Variants in DEPDC1B observed in about 807,000 individuals in gnomAD.
The protein encoded by DEPDC1B is DEP domain-containing protein 1B.
DEPDC1B carries 51 observed loss-of-function variants against 66.5 expected under a neutral mutation model. The observed-to-expected ratio is 0.77, with a 90% CI of 0.61 to 0.97. DEPDC1B has a LOEUF of 0.97. Among genes scored for constraint, DEPDC1B ranks in the 50% least tolerant of loss-of-function variants. The probability of loss-of-function intolerance (pLI) is 0.00; values close to 1 mark genes in which losing one functional copy is unlikely to be tolerated. For missense variants in DEPDC1B, 552 were observed against 637.1 expected, an observed-to-expected ratio of 0.87 and a Z score of 1.44; for synonymous variants, 226 against 223.6, an observed-to-expected ratio of 1.01 and a Z score of -0.10.
rs191478116 is a variant in DEPDC1B, at chr5:60,616,247, A to C, written c.899-10391T>G. Among the ~76,000 whole-genome samples, 935 of 152,340 alleles carry C rather than the reference A, an allele frequency of 6.1e-3. 5 individuals carry two copies. Among genetic ancestry groups the C allele is most frequent in the Non-Finnish European group, 9.1e-3 (617 of 68,026 alleles). The stretch of plus-strand genomic sequence containing the variant: ...AAAATCAGAGCACCTCTCCTCCTCC[A>C]AAGGAACGCAGCTCCTCAGCAGCAA... On this transcript the variant is annotated intron_variant, in intron 7 of 10. Coordinates refer to ENST00000265036, the MANE Select transcript of DEPDC1B (RefSeq NM_018369.3).
At chr5:60,644,339 GACT>G (rs1753260007) in intron 5 of DEPDC1B, among the ~76,000 whole-genome samples, 1 of 152,148 alleles carries the variant, frequency 6.6e-6, no homozygotes, top group Non-Finnish European at 1.5e-5. Context: ...AAAGAACCAA[GACT>G]ATTCCAGAAA....
chr5:60,668,677 C>T (rs949478136), intron 2 of DEPDC1B, among the ~76,000 whole-genome samples: 4 of 151,964 alleles, frequency 2.6e-5, no homozygotes, highest in East Asian at 3.9e-4. Flanking sequence ...GAATTAGGAA[C>T]GGTGAATAAG....
chr5:60,602,241 AGACAC>A (rs1752216200), intron 9 of DEPDC1B, among the ~76,000 whole-genome samples: 1 of 139,964 alleles, frequency 7.1e-6, no homozygotes, highest in Non-Finnish European at 1.5e-5. Flanking sequence ...GACAGCAGAC[AGACAC>A]AGAAAAAAAA....
rs60016224 is a variant in DEPDC1B, at chr5:60,599,919, T to TTGTG, written c.1243-663_1243-660dup. The stretch of plus-strand genomic sequence containing the variant: ...TGATTTCCCACTCCACATTCTATAT[T>TTGTG]TGTGTGTGTGTGTGTGTGTGTCTTT... On this transcript the variant is annotated intron_variant, in intron 9 of 10. Transcript: ENST00000265036. Among the ~76,000 whole-genome samples the TTGTG allele has an allele frequency of 6.0e-5, 9 of 151,186 alleles. No individual in the cohort carries two copies. In the South Asian group the frequency reaches 1.0e-3, roughly 18 times the overall value.
rs1752407501 is a variant in DEPDC1B at position 60,611,151 on chromosome 5, A to C, written c.899-5295T>G. On this transcript the variant is annotated intron_variant, in intron 7 of 10. Transcript: ENST00000265036. ...ACATTTTGGTAATTCAGAATATTTC[A>C]ATTTTTTAATTATTATTTTATCTAT... is the stretch of plus-strand genomic sequence containing the variant. Among the ~76,000 whole-genome samples, 3 of 152,162 alleles carry C rather than the reference A, an allele frequency of 2.0e-5. No individual in the cohort carries two copies. The South Asian group carries it at 6.2e-4, about 32-fold the overall frequency.
intron 8 of DEPDC1B, among the ~76,000 whole-genome samples, chr5:60,604,422 T>C (rs770815065): frequency 8.6e-5 from 13 of 151,730 alleles, no homozygotes; most frequent in Admixed American, 5.9e-4. Context: ...GGTTTCACCA[T>C]GTTGGTCAGG....
At chr5:60,666,139 G>C (rs942849609) in intron 2 of DEPDC1B, among the ~76,000 whole-genome samples, 1 of 152,186 alleles carries the variant, frequency 6.6e-6, no homozygotes, top group Non-Finnish European at 1.5e-5. Context: ...CTCCAGATCC[G>C]GGAGGGTGTT....
At chr5:60,666,138 C>T (rs889967547) in intron 2 of DEPDC1B, among the ~76,000 whole-genome samples, 1 of 152,292 alleles carries the variant, frequency 6.6e-6, no homozygotes, top group South Asian at 2.1e-4. Context: ...CCTCCAGATC[C>T]GGGAGGGTGT....
At chr5:60,686,902 T>A (rs190750722) in intron 2 of DEPDC1B, 60 bp downstream of exon 2, 39 of 1,590,260 alleles carry the variant, frequency 2.5e-5, no homozygotes, top group Admixed American at 1.7e-4. Flanking sequence ...TCAACAGACT[T>A]GGACCAGATT....
chr5:60,694,787 C>T (rs1475291680), intron 1 of DEPDC1B, among the ~76,000 whole-genome samples: 1 of 152,156 alleles, frequency 6.6e-6, no homozygotes, highest in East Asian at 1.9e-4. Context: ...AGCTCAATAT[C>T]CTCACAACAA....
chr5:60,686,948 C>G lies in DEPDC1B; in HGVS notation c.314+14G>C, dbSNP rs1233767229. 6 of 1,612,882 alleles carry G rather than the reference C, an allele frequency of 3.7e-6. No individual in the cohort carries two copies. The highest frequency in any genetic ancestry group is 5.1e-6 in the Non-Finnish European group (6 of 1,179,062). On this transcript the variant is annotated intron_variant, in intron 2 of 10. Transcript: ENST00000265036. ...CCCAATTCCTCACCTTCCAGGTTTA[C>G]ATGTTGCCATTACCTGTATAAGTGA...
chr5:60,700,012 G>A (rs1361586794), intron 1 of DEPDC1B, 34 bp downstream of exon 1: 1 of 1,547,530 alleles, frequency 6.5e-7, no homozygotes, highest in Non-Finnish European at 8.7e-7. Flanking sequence ...CGCGGCACCG[G>A]GTGCTCCGCC....
At chr5:60,670,609 T>C (rs1754013082) in intron 2 of DEPDC1B, among the ~76,000 whole-genome samples, 1 of 152,156 alleles carries the variant, frequency 6.6e-6, no homozygotes, top group Admixed American at 6.5e-5. Flanking sequence ...CTGATTTCAA[T>C]GGAGACAAGC....
chr5:60,686,394 C>T (rs1754413405), intron 2 of DEPDC1B, among the ~76,000 whole-genome samples: 2 of 152,222 alleles, frequency 1.3e-5, no homozygotes, highest in Non-Finnish European at 2.9e-5. Context: ...AAGTGCAAGA[C>T]AAGCAGCCTT....
chr5:60,668,079 G>C (rs1358768329), intron 2 of DEPDC1B, among the ~76,000 whole-genome samples: 923 of 72,738 alleles, frequency 0.013, 10 homozygotes, highest in Admixed American at 0.03. Context: ...ATATAAAATG[G>C]ATATTTTATA....
At chr5:60,623,465 A>AT (rs1338186830) in intron 7 of DEPDC1B, among the ~76,000 whole-genome samples, 2 of 152,028 alleles carry the variant, frequency 1.3e-5, no homozygotes, top group Admixed American at 6.6e-5. Context: ...AAGTTCTCTA[A>AT]TTTTTTCTCC....
chr5:60,599,973 C>T (rs1430453941), intron 9 of DEPDC1B, among the ~76,000 whole-genome samples: 1 of 152,094 alleles, frequency 6.6e-6, no homozygotes, highest in African/African-American at 2.4e-5. Flanking sequence ...GGGTTAGGGT[C>T]TCCACGACCG....
chr5:60,619,055 A>T lies in DEPDC1B; in HGVS notation c.899-13199T>A, dbSNP rs548024044. On this transcript the variant is annotated intron_variant, in intron 7 of 10. Transcript: ENST00000265036. ...ACAAAAACCACATGATTATCTCAATACATGCAGAAAAGGCCTTTGACAAAT... is the reference window on the plus strand; with the variant it reads ...ACAAAAACCACATGATTATCTCAATTCATGCAGAAAAGGCCTTTGACAAAT... Among the ~76,000 whole-genome samples the T allele has an allele frequency of 4.6e-5, 7 of 152,360 alleles. No homozygotes were observed. In the South Asian group the frequency reaches 1.4e-3, roughly 32 times the overall value.
rs1416533525 is a variant in DEPDC1B at position 60,597,854 on chromosome 5, G to C, written c.1489C>G (p.Leu497Val). The C allele has an allele frequency of 1.2e-6, 2 of 1,613,340 alleles. No homozygotes were observed. Among genetic ancestry groups the C allele is most frequent in the South Asian group, 2.2e-5 (2 of 90,990 alleles). The change falls in exon 11 of 11, where the codon CTT becomes GTT. Residue 497 changes from leucine to valine, a missense_variant. By Grantham distance (32) the Leu-to-Val change is conservative (BLOSUM62 1). Transcript: ENST00000265036. Reference protein sequence around the residue: ...ERFPTPESAALLFPEKPKPKP... With the variant: ...ERFPTPESAAVLFPEKPKPKP... ...GGTTTGGGTTTTTCAGGAAACAGAA[G>C]TGCTGCACTTTCTGGTGTAGGAAAT...
Sources: allele counts gnomAD v4.1 joint callset (sites outside exome capture counted in the v4.1 genomes callset), GRCh38; gene constraint gnomAD v4.1.1; transcripts MANE v1.5; gene names NCBI Gene and HGNC (gene_info 2026-07-23, HGNC 2026-07-21).